Variants in PRKAR2B observed in about 807,000 individuals in gnomAD.
PRKAR2B encodes cAMP-dependent protein kinase type II-beta regulatory subunit.
In PRKAR2B, 14 loss-of-function variants were observed where a neutral mutation model predicts 49.9. The observed-to-expected ratio is 0.28, with a 90% CI of 0.19 to 0.44. The LOEUF (loss-of-function observed/expected upper bound fraction) is 0.44. PRKAR2B is among the 20% of genes least tolerant of loss of function. The pLI is 1.00. For synonymous variants in PRKAR2B, 196 were observed against 197.7 expected (o/e 0.99, Z 0.07); for missense variants, 393 against 537.9 (o/e 0.73, Z 2.67).
intron 1 of PRKAR2B, among the ~76,000 whole-genome samples, chr7:107,067,639 T>A (rs1288096902): frequency 6.6e-6 from 1 of 152,208 alleles, no homozygotes; most frequent in Non-Finnish European, 1.5e-5. Context: ...GACAGTGTAG[T>A]TAGATTGTCC....
intron 1 of PRKAR2B, among the ~76,000 whole-genome samples, chr7:107,065,322 ATGTGTGTGTG>A (rs71134248): frequency 0.05 from 7,177 of 143,592 alleles, 247 homozygotes; most frequent in Non-Finnish European, 0.063. Context: ...GGGTGTGTGT[ATGTGTGTGTG>A]TGTGTGTGTG....
intron 1 of PRKAR2B, among the ~76,000 whole-genome samples, chr7:107,049,862 C>T (rs958741621): frequency 2.6e-5 from 4 of 152,036 alleles, no homozygotes; most frequent in Non-Finnish European, 4.4e-5. Flanking sequence ...TTTAAATCCT[C>T]CTGAAATGGA....
intron 2 of PRKAR2B, among the ~76,000 whole-genome samples, chr7:107,099,143 C>G (rs941985072): frequency 3.3e-5 from 5 of 152,182 alleles, no homozygotes; most frequent in African/African-American, 1.2e-4. Context: ...GGCAGGCCTC[C>G]TTGAGCTGCG....
chr7:107,105,572 C>G (rs895771104), intron 2 of PRKAR2B, among the ~76,000 whole-genome samples: 2 of 152,274 alleles, frequency 1.3e-5, no homozygotes, highest in East Asian at 1.9e-4. Flanking sequence ...AACTCAGTAT[C>G]CTTGCCTGCT....
chr7:107,094,791 C>T (rs145475113), intron 2 of PRKAR2B, among the ~76,000 whole-genome samples: 13,018 of 152,168 alleles, frequency 0.086, 625 homozygotes, highest in African/African-American at 0.13. Context: ...TTGTTTTTCT[C>T]AGGTTTGTCA....
intron 2 of PRKAR2B, among the ~76,000 whole-genome samples, chr7:107,106,420 T>G (rs570713620): frequency 3.4e-4 from 52 of 152,312 alleles, no homozygotes; most frequent in Non-Finnish European, 6.2e-4. Flanking sequence ...ATACATCAGA[T>G]GGACAATAAT....
chr7:107,120,890 A>G (rs368438529), intron 2 of PRKAR2B, among the ~76,000 whole-genome samples: 6 of 151,962 alleles, frequency 3.9e-5, no homozygotes, highest in African/African-American at 1.2e-4. Flanking sequence ...AAGAAAACCA[A>G]ATATTTCCTA....
intron 4 of PRKAR2B, among the ~76,000 whole-genome samples, chr7:107,137,309 C>T (rs1316562436): frequency 6.6e-6 from 1 of 152,162 alleles, no homozygotes; most frequent in African/African-American, 2.4e-5. Flanking sequence ...CCTGAAATTC[C>T]CTCATTGCAG....
At chr7:107,138,997 A>AG (rs1454568408) in intron 4 of PRKAR2B, among the ~76,000 whole-genome samples, 1 of 152,180 alleles carries the variant, frequency 6.6e-6, no homozygotes, top group African/African-American at 2.4e-5. Context: ...TCTATTTTAA[A>AG]GAAAAAAAAA....
intron 2 of PRKAR2B, among the ~76,000 whole-genome samples, chr7:107,105,126 C>T (rs1348442439): frequency 6.6e-6 from 1 of 152,066 alleles, no homozygotes. Context: ...TCCGTGGTAA[C>T]CAACATTGAG....
At chr7:107,159,359 G>T in intron 10 of PRKAR2B, 90 bp from the exon 11 acceptor site, 1 of 1,211,612 alleles carries the variant, frequency 8.3e-7, no homozygotes, top group Non-Finnish European at 1.2e-6. Context: ...TTGCACTATT[G>T]ATATATATGG....
chr7:107,050,148 A>G (rs1047183152), intron 1 of PRKAR2B, among the ~76,000 whole-genome samples: 1 of 152,236 alleles, frequency 6.6e-6, no homozygotes, highest in African/African-American at 2.4e-5. Context: ...TAATGAAGTC[A>G]GAAGGGAAAG....
intron 2 of PRKAR2B, among the ~76,000 whole-genome samples, chr7:107,082,471 G>T (rs1003160968): frequency 1.2e-4 from 19 of 152,056 alleles, no homozygotes; most frequent in Non-Finnish European, 2.5e-4. Context: ...TTAGAATAAT[G>T]AAAAAATTTG....
intron 2 of PRKAR2B, among the ~76,000 whole-genome samples, chr7:107,074,665 G>A (rs1221958117): frequency 1.3e-5 from 2 of 152,006 alleles, no homozygotes; most frequent in Non-Finnish European, 2.9e-5. Flanking sequence ...TGGGTTTGGT[G>A]GCGGGCGCCT....
At chr7:107,047,714 A>G (rs528378452) in intron 1 of PRKAR2B, among the ~76,000 whole-genome samples, 7 of 152,322 alleles carry the variant, frequency 4.6e-5, no homozygotes, top group African/African-American at 1.7e-4. Flanking sequence ...TTAATTTACT[A>G]TGACACAGCA....
chr7:107,151,511 C>G (rs1795987331), intron 7 of PRKAR2B, among the ~76,000 whole-genome samples: 1 of 152,194 alleles, frequency 6.6e-6, no homozygotes, highest in Admixed American at 6.5e-5. Flanking sequence ...AATCCCATGG[C>G]CTTAAATACA....
chr7:107,159,740 G>A lies in PRKAR2B; in HGVS notation c.*158G>A. ...ATCAATAAACAGTAGTGATTTAATA[G>A]TCAATAGGCTTTAACATCACTTTCT... On this transcript the variant is annotated 3_prime_UTR_variant, in exon 11 of 11. Coordinates refer to ENST00000265717, the MANE Select transcript of PRKAR2B (RefSeq NM_002736.3). 1.6e-6 allele frequency: 1 copy of A among 639,712 alleles called. No homozygotes were observed. The highest frequency in any genetic ancestry group is 2.5e-6 in the Non-Finnish European group (1 of 399,302). 39.6% of individuals were successfully genotyped at this position (639,712 alleles called of 1,614,324 possible).
At chr7:107,066,874 C>A in intron 1 of PRKAR2B, 1 of 152,196 alleles carries the variant, frequency 6.6e-6, no homozygotes, top group East Asian at 1.9e-4. Flanking sequence ...CCGTGCCTGG[C>A]CAGGTTTTTT....
At chr7:107,082,002 A>C (rs776833317) in intron 2 of PRKAR2B, 1 of 152,180 alleles carries the variant, frequency 6.6e-6, no homozygotes, top group Non-Finnish European at 1.5e-5. Flanking sequence ...TAGGCTACAA[A>C]TACAGCAAAT....
Sources: gnomAD v4.1 joint callset for allele counts (sites outside exome capture counted in the v4.1 genomes callset) on GRCh38, gnomAD v4.1.1 for gene constraint, MANE v1.5 for transcripts, NCBI Gene and HGNC (gene_info 2026-07-23, HGNC 2026-07-21) for gene names.